Variants in CCDC171 observed in about 807,000 individuals in gnomAD.
The protein encoded by CCDC171 is coiled-coil domain containing 171, also known as coiled-coil domain-containing protein 171.
In CCDC171, 177 loss-of-function variants were observed where a neutral mutation model predicts 168.2. That is an observed-to-expected ratio of 1.05 (90% confidence interval 0.93 to 1.19). The LOEUF is 1.19. Ranked by LOEUF, CCDC171 falls within the 50% of genes most tolerant of loss-of-function variation. The pLI, the probability that CCDC171 is intolerant of heterozygous loss-of-function variation, is 0.00. For missense variants in CCDC171, 1,991 were observed against 1,539.0 expected (o/e 1.29, Z -4.91); for synonymous variants, 687 against 540.8 (o/e 1.27, Z -3.75).
At chr9:15,792,117 G>A (rs1233719157) in intron 21 of CCDC171, among the ~76,000 whole-genome samples, 1 of 152,164 alleles carries the variant, frequency 6.6e-6, no homozygotes, top group Non-Finnish European at 1.5e-5. Flanking sequence ...CCAATGCAGA[G>A]AAGTCCTTAA....
intron 3 of CCDC171, among the ~76,000 whole-genome samples, chr9:16,007,304 T>C (rs1163801111): frequency 6.6e-6 from 1 of 152,202 alleles, no homozygotes; most frequent in African/African-American, 2.4e-5. Context: ...GTAAATTTGT[T>C]TGAGTTCATT....
chr9:15,916,634 A>C (rs190379059), intron 24 of CCDC171, among the ~76,000 whole-genome samples: 1 of 152,178 alleles, frequency 6.6e-6, no homozygotes, highest in East Asian at 1.9e-4. Context: ...AAACTACTTA[A>C]TAATATGTAC....
At chr9:15,944,350 A>C (rs996093657) in intron 25 of CCDC171, among the ~76,000 whole-genome samples, 1 of 151,990 alleles carries the variant, frequency 6.6e-6, no homozygotes, top group Admixed American at 6.6e-5. Flanking sequence ...GTGAACATGA[A>C]ACAGAAGAGG....
At chr9:16,022,376 T>C (rs1407148010) in exon 5 of CCDC171, 2 of 152,202 alleles carry the variant, frequency 1.3e-5, no homozygotes, top group African/African-American at 4.8e-5. Flanking sequence ...AAGCACAGAT[T>C]AGGTGACTGT....
chr9:16,002,712 A>G (rs1308434473), intron 3 of CCDC171, among the ~76,000 whole-genome samples: 1 of 152,226 alleles, frequency 6.6e-6, no homozygotes, highest in Non-Finnish European at 1.5e-5. Flanking sequence ...ACATTCACTC[A>G]CCACTGGCTT....
chr9:15,678,975 C>A, intron 10 of CCDC171, 79 bp downstream of exon 10: 1 of 1,072,962 alleles, frequency 9.3e-7, no homozygotes, highest in Non-Finnish European at 1.3e-6. Flanking sequence ...TTCCTCACCA[C>A]ATTCCATGAG....
At chr9:15,674,886 C>T (rs924931524) in intron 9 of CCDC171, among the ~76,000 whole-genome samples, 4 of 152,078 alleles carry the variant, frequency 2.6e-5, no homozygotes, top group African/African-American at 9.7e-5. Flanking sequence ...CTGCTTGGTG[C>T]AGAGCTGAGT....
intron 7 of CCDC171, 50 bp downstream of exon 7, chr9:15,623,463 ATGCGCGCGCG>A (rs1471639463): frequency 4.7e-6 from 3 of 633,910 alleles, no homozygotes; most frequent in African/African-American, 2.0e-5. Flanking sequence ...ACTTTCACAT[ATGCGCGCGCG>A]CGCACACACA....
Position 15,649,684 on chromosome 9 carries a change from C to T in CCDC171, c.823-7443C>T, listed in dbSNP as rs887689208. ...CACTGGCCATCAGAGAAATGCAAAT[C>T]AAAACCACAATGAGATACCATCTCA... On this transcript the variant is annotated intron_variant, in intron 7 of 25. Transcript: ENST00000380701. Among the ~76,000 whole-genome samples the T allele has an allele frequency of 3.6e-4, 55 of 152,208 alleles. 1 individual carries two copies. The highest frequency in any genetic ancestry group is 7.6e-4 in the Non-Finnish European group (52 of 68,010).
chr9:15,606,405 A>C (rs1042358905), intron 6 of CCDC171, among the ~76,000 whole-genome samples: 1 of 152,196 alleles, frequency 6.6e-6, no homozygotes, highest in Non-Finnish European at 1.5e-5. Flanking sequence ...TGGATTCACA[A>C]TTATGATAAA....
At chr9:15,618,140 G>C (rs1564061415) in intron 6 of CCDC171, among the ~76,000 whole-genome samples, 1 of 152,164 alleles carries the variant, frequency 6.6e-6, no homozygotes, top group African/African-American at 2.4e-5. Context: ...CCTTCCCCCA[G>C]GTGCTCTGTC....
chr9:15,998,741 TTA>T, intron 3 of CCDC171, among the ~76,000 whole-genome samples: 1 of 152,184 alleles, frequency 6.6e-6, no homozygotes, highest in South Asian at 2.1e-4. Context: ...CTGAAAAAAA[TTA>T]TGTGACTAAA....
At chr9:15,929,654 C>G (rs1219011077) in intron 25 of CCDC171, among the ~76,000 whole-genome samples, 1 of 151,778 alleles carries the variant, frequency 6.6e-6, no homozygotes, top group African/African-American at 2.4e-5. Flanking sequence ...GTCACATGAC[C>G]ATTTCCCTGG....
chr9:15,753,075 C>G (rs2055865867), intron 18 of CCDC171, among the ~76,000 whole-genome samples: 1 of 152,052 alleles, frequency 6.6e-6, no homozygotes, highest in South Asian at 2.1e-4. Flanking sequence ...TGGTCTGACG[C>G]TAATACGCAC....
intron 21 of CCDC171, among the ~76,000 whole-genome samples, chr9:15,789,058 G>C (rs1258811635): frequency 6.6e-6 from 1 of 152,090 alleles, no homozygotes; most frequent in Admixed American, 6.6e-5. Flanking sequence ...TCAGTATGTG[G>C]AAATCAAAGT....
chr9:15,734,547 A>AAAAT lies in CCDC171; in HGVS notation c.2049+4771_2049+4774dup, dbSNP rs139699577. Among the ~76,000 whole-genome samples the AAAAT allele has an allele frequency of 1.3e-3, 202 of 152,194 alleles. 1 individual carries two copies. The highest frequency in any genetic ancestry group is 3.7e-3 in the South Asian group (18 of 4,822). On this transcript the variant is annotated intron_variant, in intron 16 of 25. Coordinates refer to ENST00000380701, the MANE Select transcript of CCDC171 (RefSeq NM_173550.4). ...TCCAACAAGAGCGAAACTCCATTTAAAAATAAATAAATAAATAAATAAATA... is the reference window on the plus strand; with the variant it reads ...TCCAACAAGAGCGAAACTCCATTTAAAAATAAATAAATAAATAAATAAATAAATA...
rs1214361570 is a variant in CCDC171 at position 15,817,816 on chromosome 9, T to C, written c.3268-28886T>C. ...CAGCAATAACCTCTGCAGACTTAAA[T>C]GTCCCTGTCTGACAGCTTTGAAGAG... On this transcript the variant is annotated intron_variant, in intron 21 of 25. Coordinates refer to ENST00000380701, the MANE Select transcript of CCDC171 (RefSeq NM_173550.4). Among the ~76,000 whole-genome samples the C allele has an allele frequency of 2.5e-5, 3 of 118,232 alleles. 1 individual carries two copies. Among genetic ancestry groups the C allele is most frequent in the African/African-American group, 9.5e-5 (3 of 31,508 alleles). 77.6% of individuals were successfully genotyped at this position (118,232 alleles called of 152,430 possible). A position where few individuals can be genotyped will look rare whatever the true frequency, so the allele number is the denominator to read the frequency against.
At chr9:15,690,072 CA>C (rs894735675) in intron 10 of CCDC171, among the ~76,000 whole-genome samples, 1 of 151,966 alleles carries the variant, frequency 6.6e-6, no homozygotes, top group African/African-American at 2.4e-5. Context: ...ACAACAAAAA[CA>C]AAAAGAAATG....
In CCDC171 at chr9:15,981,574, C is replaced by A. The variant is rs149507499; in HGVS notation, n.369-39015C>A. Among the ~76,000 whole-genome samples, 170 of 152,308 alleles carry A rather than the reference C, an allele frequency of 1.1e-3. 1 individual carries two copies. Among genetic ancestry groups the A allele is most frequent in the African/African-American group, 4.0e-3 (166 of 41,576 alleles). On this transcript the variant is annotated intron_variant and non_coding_transcript_variant, in intron 3 of 9. Transcript: ENST00000486641. ...GAGGATGACAAATAAATGGAAAGAT[C>A]TGTCTGGAGTAGACATGTAGAAGCT...
Sources: gnomAD v4.1 joint callset for allele counts (sites outside exome capture counted in the v4.1 genomes callset) on GRCh38, gnomAD v4.1.1 for gene constraint, MANE v1.5 for transcripts, NCBI Gene and HGNC (gene_info 2026-07-23, HGNC 2026-07-21) for gene names.